TBX4: variants seen among roughly 807,000 people sequenced by gnomAD.
The protein encoded by TBX4 is T-box transcription factor 4, also known as T-box transcription factor TBX4.
Under a neutral mutation model 54.6 loss-of-function variants are expected in TBX4, and 13 were observed. The observed-to-expected ratio is 0.24, with a 90% CI of 0.15 to 0.38. The LOEUF (loss-of-function observed/expected upper bound fraction) is 0.38. Ranked by LOEUF, TBX4 falls within the 10% of genes least tolerant of loss-of-function variation. The pLI, the probability that TBX4 is intolerant of heterozygous loss-of-function variation, is 1.00. For synonymous variants in TBX4, 314 were observed against 306.7 expected (o/e 1.02, Z -0.25); for missense variants, 631 against 728.5 (o/e 0.87, Z 1.54).
chr17:61,474,977 T>C lies in TBX4; in HGVS notation c.550-3650T>C, dbSNP rs8080416. 0.21 allele frequency among the ~76,000 whole-genome samples: 31,629 copies of C among 152,254 alleles called. 3,476 individuals are homozygous for C. The highest frequency in any genetic ancestry group is 0.24 in the Middle Eastern group (70 of 294). On this transcript the variant is annotated intron_variant, in intron 5 of 8. Transcript: ENST00000644296. This position sits in a 1 kb window ranked among gnomAD's most constrained non-coding sequence, Gnocchi z 4.6. ...CCACTTAGTCAAAGGCCCCACTTCA[T>C]AGATGGGGACCCCAATGGTTGGAGA...
chr17:61,466,083 G>A (rs1434639285), intron 4 of TBX4, 145 bp downstream of exon 4: 3 of 1,369,910 alleles, frequency 2.2e-6, no homozygotes, highest in South Asian at 1.2e-5. Context: ...GGAACTGGCT[G>A]TGCGGAGGCT....
At position 61,462,269 on chromosome 17, in the gene TBX4, G is replaced by A. The variant is rs902107151; in HGVS notation, c.282-3550G>A. 1.1e-4 allele frequency among the ~76,000 whole-genome samples: 17 copies of A among 152,274 alleles called. No homozygotes were observed. The highest frequency in any genetic ancestry group is 7.3e-5 in the Non-Finnish European group (5 of 68,030). ...GTTTCATGATCAGAGGAGAAGCCCC[G>A]GGCTTTCATCTCCTCCCGGGCCGGC... On this transcript the variant is annotated intron_variant, in intron 3 of 8. Transcript: ENST00000644296. The surrounding 1 kb of genome is among the most constrained non-coding windows in gnomAD (Gnocchi z 4.5).
rs926244054 is a variant in TBX4, at chr17:61,465,465, C to T, written c.282-354C>T. Among the ~76,000 whole-genome samples, 6 of 152,246 alleles carry T rather than the reference C, an allele frequency of 3.9e-5. No homozygotes were observed. In the South Asian group the frequency reaches 1.0e-3, roughly 26 times the overall value. On this transcript the variant is annotated intron_variant, in intron 3 of 8. Coordinates refer to ENST00000644296, the MANE Select transcript of TBX4 (RefSeq NM_001321120.2). The surrounding 1 kb of genome is among the most constrained non-coding windows in gnomAD (Gnocchi z 4.9). ...GCAGCAAGGTTGGCGTCAGAATCTGCTCCCACAATCCTGACTGGGGTCTCT... is the reference window on the plus strand; with the variant it reads ...GCAGCAAGGTTGGCGTCAGAATCTGTTCCCACAATCCTGACTGGGGTCTCT...
Position 61,480,407 on chromosome 17 carries a change from A to G in TBX4, c.1021+88A>G, listed in dbSNP as rs1476510815. 2.1e-6 allele frequency: 2 copies of G among 938,006 alleles called. No individual in the cohort carries two copies. The highest frequency in any genetic ancestry group is 3.4e-5 in the African/African-American group (2 of 58,474). 58.1% of individuals were successfully genotyped at this position (938,006 alleles called of 1,614,324 possible). On this transcript the variant is annotated intron_variant, in intron 8 of 8. Coordinates refer to ENST00000644296, the MANE Select transcript of TBX4 (RefSeq NM_001321120.2). This position sits in a 1 kb window ranked among gnomAD's most constrained non-coding sequence, Gnocchi z 6.2. ...CCACTCTGCAGCGCCCCCCCCCCCA[A>G]CACACACACACTCATCTCGTGCTTG...
chr17:61,454,041 A>C (rs4141079), intron 1 of TBX4, among the ~76,000 whole-genome samples: 37,161 of 152,152 alleles, frequency 0.24, 4,844 homozygotes, highest in South Asian at 0.34. Context: ...AGTATTATGA[A>C]TGTGCCAGGC....
chr17:61,456,768 C>A, intron 2 of TBX4, 92 bp downstream of exon 2: 2 of 1,063,648 alleles, frequency 1.9e-6, no homozygotes, highest in Non-Finnish European at 2.4e-6. Flanking sequence ...GTCGGCAGGA[C>A]TCGCTTTCAG....
rs2060498543 is a variant in TBX4 at position 61,462,131 on chromosome 17, G to A, written c.282-3688G>A. Among the ~76,000 whole-genome samples the A allele has an allele frequency of 6.6e-6, 1 of 152,070 alleles. No individual in the cohort carries two copies. The highest frequency in any genetic ancestry group is 2.1e-4 in the South Asian group (1 of 4,816). ...GCCCCAAACCCTTGCCCCGCGCCCC[G>A]CGCGCCTCCAACACCGAGAAACGTC... is the stretch of plus-strand genomic sequence containing the variant. On this transcript the variant is annotated intron_variant, in intron 3 of 8. Transcript: ENST00000644296. This position sits in a 1 kb window ranked among gnomAD's most constrained non-coding sequence, Gnocchi z 4.5.
At chr17:61,466,319 C>T (rs1363060808) in intron 4 of TBX4, among the ~76,000 whole-genome samples, 4 of 152,120 alleles carry the variant, frequency 2.6e-5, no homozygotes, top group African/African-American at 9.7e-5. Context: ...GAGCAGTTCT[C>T]TTGGGGACTT....
In TBX4 at chr17:61,472,707, A is replaced by G. The variant is rs985755849; in HGVS notation, c.549+5050A>G. On this transcript the variant is annotated intron_variant, in intron 5 of 8. Coordinates refer to ENST00000644296, the MANE Select transcript of TBX4 (RefSeq NM_001321120.2). The surrounding 1 kb of genome is among the most constrained non-coding windows in gnomAD (Gnocchi z 4.5). ...CTTACTTATAAGGGACTTTTCTTTT[A>G]GTATTTTATGGATTTATTTTTACAT... Among the ~76,000 whole-genome samples the G allele has an allele frequency of 6.6e-6, 1 of 151,848 alleles. No homozygotes were observed. Among genetic ancestry groups the G allele is most frequent in the African/African-American group, 2.4e-5 (1 of 41,326 alleles).
rs1486450174 is a variant in TBX4, at chr17:61,472,270, A to G, written c.549+4613A>G. On this transcript the variant is annotated intron_variant, in intron 5 of 8. Transcript: ENST00000644296. This position sits in a 1 kb window ranked among gnomAD's most constrained non-coding sequence, Gnocchi z 4.5. ...ATTCCCCTCCATGGGAGCTGTACTG[A>G]TGTATATATTTCCACCACTGCTGTG... 6.6e-6 allele frequency among the ~76,000 whole-genome samples: 1 copy of G among 152,134 alleles called. No individual in the cohort carries two copies. The highest frequency in any genetic ancestry group is 1.5e-5 in the Non-Finnish European group (1 of 68,018).
In TBX4 at chr17:61,459,128, C is replaced by A. The variant is rs796978559; in HGVS notation, c.281+1497C>A. The stretch of plus-strand genomic sequence containing the variant: ...GGGATGGAGATAGGGAAGGAAGACA[C>A]ATGAAGGGGCTGGCAGAGGGTGCGA... On this transcript the variant is annotated intron_variant, in intron 3 of 8. Transcript: ENST00000644296. This position sits in a 1 kb window ranked among gnomAD's most constrained non-coding sequence, Gnocchi z 4.8. 6.6e-6 allele frequency among the ~76,000 whole-genome samples: 1 copy of A among 152,348 alleles called. No individual in the cohort carries two copies. The highest frequency in any genetic ancestry group is 2.4e-5 in the African/African-American group (1 of 41,580).
At chr17:61,458,702 C>T (rs1467664479) in intron 3 of TBX4, among the ~76,000 whole-genome samples, 1 of 152,200 alleles carries the variant, frequency 6.6e-6, no homozygotes, top group Non-Finnish European at 1.5e-5. Flanking sequence ...ACAGGTCTTG[C>T]CTCATACATT....
chr17:61,465,320 G>C lies in TBX4; in HGVS notation c.282-499G>C, dbSNP rs1013896257. Among the ~76,000 whole-genome samples the C allele has an allele frequency of 1.3e-5, 2 of 152,218 alleles. No individual in the cohort carries two copies. Among genetic ancestry groups the C allele is most frequent in the African/African-American group, 4.8e-5 (2 of 41,434 alleles). On this transcript the variant is annotated intron_variant, in intron 3 of 8. Coordinates refer to ENST00000644296, the MANE Select transcript of TBX4 (RefSeq NM_001321120.2). The surrounding 1 kb of genome is among the most constrained non-coding windows in gnomAD (Gnocchi z 4.9). ...GGCCTAAGGATTTCCACAGAGGCAT[G>C]ACCCAGAGGAGGCAGCTCATTATTT...
In TBX4 at chr17:61,465,663, G is replaced by A; in HGVS notation, c.282-156G>A. The A allele has an allele frequency of 1.1e-6, 1 of 932,148 alleles. No homozygotes were observed. Among genetic ancestry groups the A allele is most frequent in the Non-Finnish European group, 1.7e-6 (1 of 590,076 alleles). The allele number at this position is 932,148 out of a possible 1,614,324, so 57.7% of individuals were successfully genotyped here. ...TCACTGTGCAGCTCGGGCAGAGGGG[G>A]AAGTGAGTTGTGCAGGTCACACAGC... On this transcript the variant is annotated intron_variant, in intron 3 of 8. Coordinates refer to ENST00000644296, the MANE Select transcript of TBX4 (RefSeq NM_001321120.2). This position sits in a 1 kb window ranked among gnomAD's most constrained non-coding sequence, Gnocchi z 4.9.
In TBX4 at chr17:61,456,540, C is replaced by T. The variant is rs1410012525; in HGVS notation, c.50C>T (p.Pro17Leu). Reference protein sequence around the residue: ...LSESEEAFRAPGPALGEASAA... With the variant: ...LSESEEAFRALGPALGEASAA... ...GAGAGCGAGGAGGCCTTCCGGGCCCCGGGCCCAGCGCTCGGAGAGGCCAGC... is the reference window on the plus strand; with the variant it reads ...GAGAGCGAGGAGGCCTTCCGGGCCCTGGGCCCAGCGCTCGGAGAGGCCAGC... Residue 17 changes from proline (P) to leucine (L), a missense_variant, in exon 2 of 9, where the codon CCG (proline) becomes CTG (leucine). By Grantham distance (98) the Pro-to-Leu change is moderately conservative (BLOSUM62 -3). Around this residue, in one of 3 missense-constraint regions of TBX4, gnomAD observed 123 missense variants for 120.9 expected, o/e 1.02. Coordinates refer to ENST00000644296, the MANE Select transcript of TBX4 (RefSeq NM_001321120.2). 4 of 1,557,070 alleles carry T rather than the reference C, an allele frequency of 2.6e-6. No individual in the cohort carries two copies. Among genetic ancestry groups the T allele is most frequent in the East Asian group, 4.8e-5 (2 of 41,630 alleles).
rs1444909968 is a variant in TBX4 at position 61,465,421 on chromosome 17, G to A, written c.282-398G>A. Among the ~76,000 whole-genome samples the A allele has an allele frequency of 2.0e-5, 3 of 152,222 alleles. No homozygotes were observed. Among genetic ancestry groups the A allele is most frequent in the Admixed American group, 6.5e-5 (1 of 15,290 alleles). ...CTTCACTTGTGTGTGGGCTGGCAAA[G>A]GACAGGAGGGAAATTAAGGCAGCAA... On this transcript the variant is annotated intron_variant, in intron 3 of 8. Coordinates refer to ENST00000644296, the MANE Select transcript of TBX4 (RefSeq NM_001321120.2). The surrounding 1 kb of genome is among the most constrained non-coding windows in gnomAD (Gnocchi z 4.9).
intron 5 of TBX4, among the ~76,000 whole-genome samples, chr17:61,477,941 C>CAAAAAAAAAAAAAAAAAAAAAA (rs10617980): frequency 1.1e-5 from 1 of 88,666 alleles, no homozygotes; most frequent in Non-Finnish European, 2.3e-5. Context: ...GATTCCATCT[C>CAAAAAAAAAAAAAAAAAAAAAA]AAAAAAAAAA....
intron 5 of TBX4, among the ~76,000 whole-genome samples, chr17:61,470,060 C>T (rs1458069820): frequency 6.6e-6 from 1 of 151,846 alleles, no homozygotes; most frequent in Non-Finnish European, 1.5e-5. Flanking sequence ...TGGCAGCCCT[C>T]ACCCCCAACT....
chr17:61,464,938 T>G lies in TBX4; in HGVS notation c.282-881T>G, dbSNP rs1386690695. On this transcript the variant is annotated intron_variant, in intron 3 of 8. Coordinates refer to ENST00000644296, the MANE Select transcript of TBX4 (RefSeq NM_001321120.2). The surrounding 1 kb of genome is among the most constrained non-coding windows in gnomAD (Gnocchi z 5.8). ...GAAGTAGGTCATACCACTTCTCCAT[T>G]TACTTTGCTGAGGGAGGAGTGCAGC... Among the ~76,000 whole-genome samples, 1 of 152,182 alleles carries G rather than the reference T, an allele frequency of 6.6e-6. No homozygotes were observed. The highest frequency in any genetic ancestry group is 1.5e-5 in the Non-Finnish European group (1 of 68,028).
Sources: allele counts gnomAD v4.1 joint callset (sites outside exome capture counted in the v4.1 genomes callset), GRCh38; gene constraint gnomAD v4.1.1; regional missense constraint gnomAD v4.1.1; non-coding constraint Gnocchi (gnomAD v3.1); transcripts MANE v1.5; gene names NCBI Gene and HGNC (gene_info 2026-07-23, HGNC 2026-07-21).